The following HNMT variants were observed in gnomAD, a reference collection of about 807,000 sequenced individuals.
The protein encoded by HNMT is histamine N-methyltransferase.
In HNMT, 30 loss-of-function variants were observed where a neutral mutation model predicts 32.1. The ratio of observed to expected loss-of-function variants is 0.93; its 90% CI spans 0.70 to 1.27. The LOEUF is 1.27. Ranked by LOEUF, HNMT falls within the 50% of genes most tolerant of loss-of-function variation. HNMT has a pLI of 0.00. For missense variants in HNMT, 327 were observed against 346.0 expected (o/e 0.95, Z 0.43); for synonymous variants, 125 against 119.0 (o/e 1.05, Z -0.33).
intron 2 of HNMT, among the ~76,000 whole-genome samples, chr2:137,988,048 C>T (rs1480825372): frequency 6.6e-6 from 1 of 151,834 alleles, no homozygotes; most frequent in Non-Finnish European, 1.5e-5. Flanking sequence ...GAGGATGGTA[C>T]GTAAAGGAAA....
At chr2:137,987,366 T>C (rs1680679596) in intron 2 of HNMT, among the ~76,000 whole-genome samples, 1 of 152,210 alleles carries the variant, frequency 6.6e-6, no homozygotes, top group African/African-American at 2.4e-5. Flanking sequence ...TTTTGCAATG[T>C]ACAATAAAAG....
intron 4 of HNMT, chr2:138,002,601 C>T (rs1681207606): frequency 5.2e-6 from 1 of 192,832 alleles, no homozygotes; most frequent in Non-Finnish European, 9.5e-6. Context: ...GTGTGCACCA[C>T]CACACCCAAC....
At chr2:137,998,004 A>C (rs1681048060) in intron 2 of HNMT, among the ~76,000 whole-genome samples, 1 of 151,912 alleles carries the variant, frequency 6.6e-6, no homozygotes, top group Non-Finnish European at 1.5e-5. Context: ...AGCAACAGAC[A>C]CCAGGGCCTG....
chr2:138,012,923 A>G (rs1310155165), intron 5 of HNMT, among the ~76,000 whole-genome samples: 2 of 151,952 alleles, frequency 1.3e-5, no homozygotes, highest in African/African-American at 2.4e-5. Context: ...AGGTGATTAC[A>G]GTAGCCTTCT....
chr2:137,986,070 G>A lies in HNMT; in HGVS notation c.191-14848G>A, dbSNP rs188136051. Among the ~76,000 whole-genome samples, 16 of 152,052 alleles carry A rather than the reference G, an allele frequency of 1.1e-4. 1 individual carries two copies. In the East Asian group the frequency reaches 1.2e-3, roughly 11 times the overall value. On this transcript the variant is annotated intron_variant, in intron 2 of 5. Coordinates refer to ENST00000280097, the MANE Select transcript of HNMT (RefSeq NM_006895.3). ...TGGTAAATATGGTAATTAGCGTAGA[G>A]AGGTTAAATGATTACAGTAAGCTAA...
At position 138,014,681 on chromosome 2, in the gene HNMT, G is replaced by A. The variant is rs1416599090; in HGVS notation, c.*551G>A. Reference sequence around the variant, plus strand: ...ACATGTTGTCATTTCTTCCCATTGTGTTTTCTCTTGTAATTTTATCTGTGA... The same window carrying A: ...ACATGTTGTCATTTCTTCCCATTGTATTTTCTCTTGTAATTTTATCTGTGA... On this transcript the variant is annotated 3_prime_UTR_variant, in exon 6 of 6. Coordinates refer to ENST00000280097, the MANE Select transcript of HNMT (RefSeq NM_006895.3). The A allele has an allele frequency of 6.6e-6, 1 of 151,856 alleles. No homozygotes were observed. The highest frequency in any genetic ancestry group is 2.4e-5 in the African/African-American group (1 of 41,272). 9.4% of individuals were successfully genotyped at this position (151,856 alleles called of 1,614,324 possible).
intron 2 of HNMT, among the ~76,000 whole-genome samples, chr2:137,978,366 A>G (rs1680352429): frequency 6.8e-6 from 1 of 146,606 alleles, no homozygotes; most frequent in Non-Finnish European, 1.5e-5. Flanking sequence ...ATAGTATTAT[A>G]CAATACATAT....
At chr2:138,000,229 A>C (rs1042385742) in intron 2 of HNMT, among the ~76,000 whole-genome samples, 1 of 152,046 alleles carries the variant, frequency 6.6e-6, no homozygotes, top group Non-Finnish European at 1.5e-5. Flanking sequence ...GCTAACTCCC[A>C]CTTACCCTGG....
Position 138,001,030 on chromosome 2 carries a change from C to T in HNMT, c.298+5C>T, listed in dbSNP as rs201191961. On this transcript the variant is annotated splice_donor_5th_base_variant and intron_variant, in intron 3 of 5. Coordinates refer to ENST00000280097, the MANE Select transcript of HNMT (RefSeq NM_006895.3). Reference sequence around the variant, plus strand: ...AACAAATTGCCAAATACAAAGGTACCTGTAACTCCTGGTCCTCTACACCAG... The same window carrying T: ...AACAAATTGCCAAATACAAAGGTACTTGTAACTCCTGGTCCTCTACACCAG... The T allele has an allele frequency of 5.1e-5, 77 of 1,504,422 alleles. No homozygotes were observed. Among genetic ancestry groups the T allele is most frequent in the Non-Finnish European group, 1.2e-5 (13 of 1,086,246 alleles). 93.2% of individuals were successfully genotyped at this position (1,504,422 alleles called of 1,614,324 possible). A position where few individuals can be genotyped will look rare whatever the true frequency, so the allele number is the denominator to read the frequency against.
In HNMT at chr2:137,964,509, G is replaced by A; in HGVS notation, c.18G>A (p.Arg6=). The change falls in exon 1 of 6, where the codon AGG becomes AGA. Residue 6 remains arginine, a synonymous_variant. Transcript: ENST00000280097. MASSM[R]SLFSDHGKYV... Reference sequence around the variant, plus strand: ...AACCAAATATGGCATCTTCCATGAGGAGCTTGTTTTCTGACCACGGGAAAT... The same window carrying A: ...AACCAAATATGGCATCTTCCATGAGAAGCTTGTTTTCTGACCACGGGAAAT... 6.2e-7 allele frequency: 1 copy of A among 1,613,706 alleles called. No homozygotes were observed. Among genetic ancestry groups the A allele is most frequent in the Non-Finnish European group, 8.5e-7 (1 of 1,179,750 alleles).
chr2:137,987,876 G>A (rs1680695377), intron 2 of HNMT, among the ~76,000 whole-genome samples: 1 of 152,064 alleles, frequency 6.6e-6, no homozygotes, highest in South Asian at 2.1e-4. Context: ...GTCAATTGAT[G>A]GGTAGTTAGT....
At chr2:137,994,637 C>G (rs1346296718) in intron 2 of HNMT, among the ~76,000 whole-genome samples, 4 of 152,148 alleles carry the variant, frequency 2.6e-5, no homozygotes, top group Non-Finnish European at 4.4e-5. Context: ...TAAGGATATT[C>G]AAGACTTGAA....
chr2:137,967,002 T>A, intron 1 of HNMT: 1 of 750,844 alleles, frequency 1.3e-6, no homozygotes, highest in South Asian at 1.4e-5. Context: ...TAAAAATCCC[T>A]TGGTTCTATG....
At chr2:137,992,917 C>G (rs140288299) in intron 2 of HNMT, among the ~76,000 whole-genome samples, 1 of 152,030 alleles carries the variant, frequency 6.6e-6, no homozygotes, top group Admixed American at 6.6e-5. Flanking sequence ...CTGAAGTGAA[C>G]CCCCAGCAAA....
At chr2:137,977,732 T>C (rs1309897406) in intron 2 of HNMT, among the ~76,000 whole-genome samples, 1 of 151,896 alleles carries the variant, frequency 6.6e-6, no homozygotes. Context: ...AGGTATGAAA[T>C]TAAAATTTCC....
rs938832265 is a variant in HNMT, at chr2:138,016,022, G to A, written c.*1892G>A. The A allele has an allele frequency of 2.6e-4, 39 of 152,190 alleles. No individual in the cohort carries two copies. Among genetic ancestry groups the A allele is most frequent in the African/African-American group, 9.1e-4 (38 of 41,540 alleles). 9.4% of individuals were successfully genotyped at this position (152,190 alleles called of 1,614,324 possible). ...CCATGAAAACCTACTAGTCAGCAAT[G>A]GGAAGTTGTATAAATTCAAGGGATA... On this transcript the variant is annotated 3_prime_UTR_variant, in exon 6 of 6. Coordinates refer to ENST00000280097, the MANE Select transcript of HNMT (RefSeq NM_006895.3).
rs1681618325 is a variant in HNMT at position 138,014,895 on chromosome 2, T to C, written c.*765T>C. On this transcript the variant is annotated 3_prime_UTR_variant, in exon 6 of 6. Transcript: ENST00000280097. ...TTTAAAAAATGAAATCTTTACTATGTTTGAAATTTAGATAAGTATAAACAG... is the reference window on the plus strand; with the variant it reads ...TTTAAAAAATGAAATCTTTACTATGCTTGAAATTTAGATAAGTATAAACAG... 1 of 152,036 alleles carries C rather than the reference T, an allele frequency of 6.6e-6. No homozygotes were observed. The allele number at this position is 152,036 out of a possible 1,614,324, so 9.4% of individuals were successfully genotyped here.
At chr2:138,004,751 T>G (rs567655396) in intron 4 of HNMT, among the ~76,000 whole-genome samples, 2 of 152,172 alleles carry the variant, frequency 1.3e-5, no homozygotes, top group African/African-American at 4.8e-5. Flanking sequence ...TGGGGTCTGT[T>G]TTTATGGTGC....
rs1407982627 is a variant in HNMT, at chr2:138,016,345, C to G, written c.*2215C>G. ...AGAAACCCAATAAAGTTATGTGTTG[C>G]CAGTGTAAACCTTAACTTATTTAGG... is the stretch of plus-strand genomic sequence containing the variant. On this transcript the variant is annotated 3_prime_UTR_variant, in exon 6 of 6. Transcript: ENST00000280097. The G allele has an allele frequency of 6.6e-6, 1 of 152,064 alleles. No homozygotes were observed. Among genetic ancestry groups the G allele is most frequent in the Admixed American group, 6.6e-5 (1 of 15,246 alleles). 9.4% of individuals were successfully genotyped at this position (152,064 alleles called of 1,614,324 possible). A position where few individuals can be genotyped will look rare whatever the true frequency, so the allele number is the denominator to read the frequency against.
Sources: allele counts gnomAD v4.1 joint callset (sites outside exome capture counted in the v4.1 genomes callset), GRCh38; gene constraint gnomAD v4.1.1; transcripts MANE v1.5; gene names NCBI Gene and HGNC (gene_info 2026-07-23, HGNC 2026-07-21).